Variants in SYCP1 observed in about 807,000 individuals in gnomAD.
SYCP1 encodes cancer/testis antigen 8.
Under a neutral mutation model 153.1 loss-of-function variants are expected in SYCP1, and 64 were observed. The observed-to-expected ratio is 0.42, with a 90% CI of 0.34 to 0.51. SYCP1 has a LOEUF of 0.51. Ranked by LOEUF, SYCP1 falls within the 20% of genes least tolerant of loss-of-function variation. The probability of loss-of-function intolerance (pLI) is 0.06; values close to 1 mark genes in which losing one functional copy is unlikely to be tolerated. For synonymous variants in SYCP1, 384 were observed against 341.8 expected, an observed-to-expected ratio of 1.12 and a Z score of -1.36; for missense variants, 997 against 1,049.0, an observed-to-expected ratio of 0.95 and a Z score of 0.68.
intron 15 of SYCP1, among the ~76,000 whole-genome samples, chr1:114,891,022 T>C (rs1244242425): frequency 6.6e-6 from 1 of 152,192 alleles, no homozygotes. Context: ...TCCTAATCTT[T>C]ATTCATCCCC....
intron 28 of SYCP1, 21 bp downstream of exon 28, chr1:114,977,637 T>C (rs1486113694): frequency 9.8e-6 from 14 of 1,422,710 alleles, no homozygotes; most frequent in South Asian, 1.4e-5. Flanking sequence ...ATAATTCTCA[T>C]AGTTTTAAAA....
At chr1:114,893,296 C>CATCTGT (rs1006024375) in intron 15 of SYCP1, among the ~76,000 whole-genome samples, 11 of 151,942 alleles carry the variant, frequency 7.2e-5, no homozygotes, top group South Asian at 2.1e-4. Flanking sequence ...TCTGTATCTC[C>CATCTGT]ATCTGTATCT....
intron 27 of SYCP1, among the ~76,000 whole-genome samples, chr1:114,954,669 C>T (rs1671325708): frequency 6.6e-6 from 1 of 151,920 alleles, no homozygotes; most frequent in Non-Finnish European, 1.5e-5. Context: ...CAACCTCCAC[C>T]ATCTGGGTTC....
At chr1:114,917,145 C>T (rs1260021660) in intron 20 of SYCP1, among the ~76,000 whole-genome samples, 1 of 152,084 alleles carries the variant, frequency 6.6e-6, no homozygotes. Flanking sequence ...CCTATCACCA[C>T]TACTCTTCCT....
Position 114,984,049 on chromosome 1 carries a change from G to A in SYCP1, c.2560-676G>A, listed in dbSNP as rs545497851. Among the ~76,000 whole-genome samples the A allele has an allele frequency of 9.8e-4, 149 of 152,032 alleles. 1 individual carries two copies. Among genetic ancestry groups the A allele is most frequent in the Non-Finnish European group, 1.7e-3 (116 of 67,956 alleles). The stretch of plus-strand genomic sequence containing the variant: ...TGAGTAGCTGAGGCTATAGGGATGG[G>A]CCACCATACCTGGCTATGTTTTTTT... On this transcript the variant is annotated intron_variant, in intron 29 of 31. Transcript: ENST00000369522.
intron 20 of SYCP1, among the ~76,000 whole-genome samples, chr1:114,923,194 T>C (rs1183276748): frequency 6.6e-6 from 1 of 152,236 alleles, no homozygotes; most frequent in Non-Finnish European, 1.5e-5. Flanking sequence ...GTTTGATATG[T>C]AGTGTTTCCA....
intron 8 of SYCP1, among the ~76,000 whole-genome samples, chr1:114,872,390 G>A (rs1163129116): frequency 6.6e-6 from 1 of 152,092 alleles, no homozygotes; most frequent in Non-Finnish European, 1.5e-5. Flanking sequence ...TGCCTGCGTG[G>A]TTTCTGAGGA....
chr1:114,945,791 T>TTTTA (rs1553200346), intron 25 of SYCP1, among the ~76,000 whole-genome samples: 1 of 151,518 alleles, frequency 6.6e-6, no homozygotes, highest in Non-Finnish European at 1.5e-5. Flanking sequence ...TAATAATTTT[T>TTTTA]TTATTATACT....
At chr1:114,979,493 T>A (rs1244832867) in intron 28 of SYCP1, among the ~76,000 whole-genome samples, 2 of 151,698 alleles carry the variant, frequency 1.3e-5, no homozygotes, top group Non-Finnish European at 3.0e-5. Flanking sequence ...GGCCACAAGG[T>A]GGTGCAGTGA....
intron 18 of SYCP1, among the ~76,000 whole-genome samples, chr1:114,912,745 T>C (rs1668263478): frequency 6.6e-6 from 1 of 151,938 alleles, no homozygotes; most frequent in African/African-American, 2.4e-5. Context: ...TCTTCAAAAT[T>C]TGTGGAAAGT....
chr1:114,975,289 C>T (rs1672736502), intron 27 of SYCP1, among the ~76,000 whole-genome samples: 1 of 150,722 alleles, frequency 6.6e-6, no homozygotes, highest in Admixed American at 6.6e-5. Flanking sequence ...TCTTATTTTT[C>T]ACTACATATT....
rs544253440 is a variant in SYCP1 at position 114,978,201 on chromosome 1, T to G, written c.2382+585T>G. On this transcript the variant is annotated intron_variant, in intron 28 of 31. Coordinates refer to ENST00000369522, the MANE Select transcript of SYCP1 (RefSeq NM_003176.4). ...ATCTCTTAATCTTGAAATCCCAAATTAGACAAATTTATCTTCTGCCACAAG... is the reference window on the plus strand; with the variant it reads ...ATCTCTTAATCTTGAAATCCCAAATGAGACAAATTTATCTTCTGCCACAAG... 2.6e-5 allele frequency among the ~76,000 whole-genome samples: 4 copies of G among 151,732 alleles called. No homozygotes were observed. The South Asian group carries it at 8.3e-4, about 31-fold the overall frequency.
At chr1:114,905,746 A>T (rs1667766721) in intron 16 of SYCP1, among the ~76,000 whole-genome samples, 2 of 151,966 alleles carry the variant, frequency 1.3e-5, no homozygotes, top group Non-Finnish European at 2.9e-5. Flanking sequence ...TATGGATTTA[A>T]TTTTTTTTAT....
intron 7 of SYCP1, 41 bp downstream of exon 7, chr1:114,859,851 T>C (rs757248073): frequency 1.5e-5 from 9 of 587,930 alleles, no homozygotes; most frequent in Middle Eastern, 5.4e-4. Context: ...TCACATTTTT[T>C]ATTCCAAATT....
At chr1:114,953,707 C>G (rs1311728533) in intron 27 of SYCP1, among the ~76,000 whole-genome samples, 2 of 152,112 alleles carry the variant, frequency 1.3e-5, no homozygotes, top group East Asian at 1.9e-4. Flanking sequence ...TATACTAAGC[C>G]TTAATATCAA....
Position 114,995,188 on chromosome 1 carries a change from G to A in SYCP1, c.*169G>A. The A allele has an allele frequency of 1.8e-6, 1 of 567,856 alleles. No homozygotes were observed. The highest frequency in any genetic ancestry group is 3.1e-5 in the East Asian group (1 of 31,914). 35.2% of individuals were successfully genotyped at this position (567,856 alleles called of 1,614,324 possible). On this transcript the variant is annotated 3_prime_UTR_variant, in exon 32 of 32. Coordinates refer to ENST00000369522, the MANE Select transcript of SYCP1 (RefSeq NM_003176.4). ...TTAGCCTAAATGTTAACTACATATTGTCTGGAAACCTGTCATTGTATTCAG... is the reference window on the plus strand; with the variant it reads ...TTAGCCTAAATGTTAACTACATATTATCTGGAAACCTGTCATTGTATTCAG...
intron 28 of SYCP1, among the ~76,000 whole-genome samples, chr1:114,979,237 G>C (rs1203635928): frequency 6.7e-6 from 1 of 150,288 alleles, no homozygotes; most frequent in Non-Finnish European, 1.5e-5. Context: ...TAACTTCTTC[G>C]TGTTTCAATT....
intron 21 of SYCP1, among the ~76,000 whole-genome samples, chr1:114,925,863 A>G (rs549946169): frequency 6.6e-6 from 1 of 152,312 alleles, no homozygotes; most frequent in African/African-American, 2.4e-5. Context: ...GAGAAATTAT[A>G]TATATTAATG....
chr1:114,929,459 A>G (rs1345481985), intron 23 of SYCP1, among the ~76,000 whole-genome samples: 3 of 152,108 alleles, frequency 2.0e-5, no homozygotes, highest in African/African-American at 4.8e-5. Context: ...CAAGAGATAC[A>G]TTGTATTTAG....
Sources: allele counts gnomAD v4.1 joint callset (sites outside exome capture counted in the v4.1 genomes callset), GRCh38; gene constraint gnomAD v4.1.1; transcripts MANE v1.5; gene names NCBI Gene and HGNC (gene_info 2026-07-23, HGNC 2026-07-21).